TOP1: variants seen among roughly 807,000 people sequenced by gnomAD.
TOP1 encodes DNA topoisomerase 1.
TOP1 carries 10 observed loss-of-function variants against 111.1 expected under a neutral mutation model. That is an observed-to-expected ratio of 0.09 (90% CI 0.06 to 0.15). The LOEUF is 0.15. TOP1 is among the 10% of genes least tolerant of loss of function. The pLI, the probability that TOP1 is intolerant of heterozygous loss-of-function variation, is 1.00. For synonymous variants in TOP1, 271 were observed against 302.9 expected (o/e 0.89, Z 1.10); for missense variants, 474 against 926.7 (o/e 0.51, Z 6.34).
rs766516532 is a variant in TOP1 at position 41,076,186 on chromosome 20, T to A, written c.171T>A (p.Ser57=). The A allele has an allele frequency of 1.9e-6, 3 of 1,609,656 alleles. No homozygotes were observed. Among genetic ancestry groups the A allele is most frequent in the Middle Eastern group, 1.6e-4 (1 of 6,064 alleles). ...SKHSNSEHKD[S]EKKHKEKEKT... ...CTTTTTACAGTGAACATAAAGATTC[T>A]GAAAAGAAACACAAAGAGAAGGAGA... The change falls in exon 4 of 21, where the codon TCT becomes TCA. Residue 57 remains serine, a synonymous_variant. Coordinates refer to ENST00000361337, the MANE Select transcript of TOP1 (RefSeq NM_003286.4).
chr20:41,038,663 G>T (rs992069405), intron 2 of TOP1, among the ~76,000 whole-genome samples: 1 of 152,064 alleles, frequency 6.6e-6, no homozygotes, highest in East Asian at 1.9e-4. Context: ...ACACCACTTT[G>T]TTTGTTTCTC....
Position 41,115,460 on chromosome 20 carries a change from A to G in TOP1, c.1707+21A>G, listed in dbSNP as rs373064201. The G allele has an allele frequency of 3.7e-4, 594 of 1,592,230 alleles. No homozygotes were observed. The highest frequency in any genetic ancestry group is 4.9e-4 in the Non-Finnish European group (570 of 1,160,398). ...TCAATGTGAGTAGATGAAGCACACA[A>G]TGTTGAAGGGAGTCCCAGCCAGAGC... On this transcript the variant is annotated intron_variant, in intron 16 of 20. Coordinates refer to ENST00000361337, the MANE Select transcript of TOP1 (RefSeq NM_003286.4). This position sits in a 1 kb window ranked among gnomAD's most constrained non-coding sequence, Gnocchi z 6.3.
intron 9 of TOP1, among the ~76,000 whole-genome samples, chr20:41,093,556 C>T (rs1427011386): frequency 6.6e-6 from 1 of 152,142 alleles, no homozygotes; most frequent in Non-Finnish European, 1.5e-5. Flanking sequence ...TGTTATTTCA[C>T]CACCCCATTT....
chr20:41,080,003 C>G lies in TOP1; in HGVS notation c.336-82C>G. The G allele has an allele frequency of 1.2e-6, 1 of 853,886 alleles. No individual in the cohort carries two copies. The highest frequency in any genetic ancestry group is 1.9e-6 in the Non-Finnish European group (1 of 521,420). 52.9% of individuals were successfully genotyped at this position (853,886 alleles called of 1,614,324 possible). A position where few individuals can be genotyped will look rare whatever the true frequency, so the allele number is the denominator to read the frequency against. On this transcript the variant is annotated intron_variant, in intron 5 of 20. Coordinates refer to ENST00000361337, the MANE Select transcript of TOP1 (RefSeq NM_003286.4). The surrounding 1 kb of genome is among the most constrained non-coding windows in gnomAD (Gnocchi z 5.0). Reference sequence around the variant, plus strand: ...ATCCTTATTTCTGTTAGCTTCTTTTCAACGAAATGACATATTCCTTCTTTG... The same window carrying G: ...ATCCTTATTTCTGTTAGCTTCTTTTGAACGAAATGACATATTCCTTCTTTG...
At chr20:41,073,502 G>A (rs1175277339) in intron 3 of TOP1, 1 of 984,046 alleles carries the variant, frequency 1.0e-6, no homozygotes, top group East Asian at 1.1e-4. Context: ...ATAAAGCTAG[G>A]ACCTTATAGC....
At chr20:41,099,554 C>CT (rs1370090050) in intron 11 of TOP1, among the ~76,000 whole-genome samples, 2 of 152,074 alleles carry the variant, frequency 1.3e-5, no homozygotes, top group Non-Finnish European at 2.9e-5. Context: ...CATCCCTCAC[C>CT]TTTTTGGAGC....
chr20:41,086,813 G>T (rs548567160), intron 8 of TOP1, among the ~76,000 whole-genome samples: 80 of 152,276 alleles, frequency 5.3e-4, no homozygotes, highest in Middle Eastern at 6.8e-3. Flanking sequence ...GCATTTCTCA[G>T]GTGTGATGGT....
In TOP1 at chr20:41,029,002, C is replaced by T. The variant is rs2033077798; in HGVS notation, c.-66C>T. The T allele has an allele frequency of 4.2e-6, 6 of 1,443,232 alleles. No individual in the cohort carries two copies. The South Asian group carries it at 4.9e-5, about 12-fold the overall frequency. 89.4% of individuals were successfully genotyped at this position (1,443,232 alleles called of 1,614,324 possible). A position where few individuals can be genotyped will look rare whatever the true frequency, so the allele number is the denominator to read the frequency against. ...GGAGTCCCCGTCCGCCCGCACAGGC[C>T]GGTTCGCCGTCTGCGTCTCCCCCAC... On this transcript the variant is annotated 5_prime_UTR_variant, in exon 1 of 21. Transcript: ENST00000361337. This position sits in a 1 kb window ranked among gnomAD's most constrained non-coding sequence, Gnocchi z 6.1.
At chr20:41,086,200 T>G (rs1406197909) in intron 8 of TOP1, among the ~76,000 whole-genome samples, 1 of 151,588 alleles carries the variant, frequency 6.6e-6, no homozygotes, top group African/African-American at 2.4e-5. Flanking sequence ...GAGGCGGAGG[T>G]TGCAGTGAGC....
Position 41,030,911 on chromosome 20 carries a change from G to C in TOP1, c.58+1456G>C, listed in dbSNP as rs541982791. 2.6e-5 allele frequency among the ~76,000 whole-genome samples: 4 copies of C among 152,232 alleles called. No homozygotes were observed. The highest frequency in any genetic ancestry group is 5.9e-5 in the Non-Finnish European group (4 of 68,044). The stretch of plus-strand genomic sequence containing the variant: ...GCACCAGATATGTGCCAACCACTGT[G>C]CTTGGTGCTAGAGCTGATCCTGTAA... On this transcript the variant is annotated intron_variant, in intron 2 of 20. Coordinates refer to ENST00000361337, the MANE Select transcript of TOP1 (RefSeq NM_003286.4). The surrounding 1 kb of genome is among the most constrained non-coding windows in gnomAD (Gnocchi z 4.1).
chr20:41,054,117 C>A (rs2033439116), intron 2 of TOP1, among the ~76,000 whole-genome samples: 1 of 152,120 alleles, frequency 6.6e-6, no homozygotes, highest in Non-Finnish European at 1.5e-5. Context: ...GTAAAGGATA[C>A]TGATATGGTT....
chr20:41,062,906 C>A (rs1203706078), intron 3 of TOP1, among the ~76,000 whole-genome samples: 3 of 152,152 alleles, frequency 2.0e-5, no homozygotes, highest in Non-Finnish European at 1.5e-5. Flanking sequence ...TTAGAATTTT[C>A]TCTTTTCTTT....
chr20:41,036,437 A>C (rs1457562322), intron 2 of TOP1, among the ~76,000 whole-genome samples: 1 of 152,220 alleles, frequency 6.6e-6, no homozygotes, highest in East Asian at 1.9e-4. Flanking sequence ...TTGTTTTCTT[A>C]TCCATAAGCA....
chr20:41,092,697 TTTTG>T lies in TOP1; in HGVS notation c.730+114_730+117del. The T allele has an allele frequency of 1.7e-6, 1 of 573,998 alleles. No homozygotes were observed. The highest frequency in any genetic ancestry group is 3.0e-6 in the Non-Finnish European group (1 of 328,372). 35.6% of individuals were successfully genotyped at this position (573,998 alleles called of 1,614,324 possible). Reference sequence around the variant, plus strand: ...GTAATAGATAATCCTTTTTATTTCATTTTGTTTTATTGCCATGCAATTTTGAGGA... The same window carrying T: ...GTAATAGATAATCCTTTTTATTTCATTTTTATTGCCATGCAATTTTGAGGA... On this transcript the variant is annotated intron_variant, in intron 9 of 20. Transcript: ENST00000361337. This position sits in a 1 kb window ranked among gnomAD's most constrained non-coding sequence, Gnocchi z 4.3.
rs1356828279 is a variant in TOP1 at position 41,079,461 on chromosome 20, A to G, written c.336-624A>G. Among the ~76,000 whole-genome samples, 5 of 152,230 alleles carry G rather than the reference A, an allele frequency of 3.3e-5. No homozygotes were observed. In the South Asian group the frequency reaches 8.3e-4, roughly 25 times the overall value. Reference sequence around the variant, plus strand: ...AAATAGTAGTGAGACACTCTTCTGTATATAAAGTAAACCTAAGTTAGGACG... The same window carrying G: ...AAATAGTAGTGAGACACTCTTCTGTGTATAAAGTAAACCTAAGTTAGGACG... On this transcript the variant is annotated intron_variant, in intron 5 of 20. Transcript: ENST00000361337. This position sits in a 1 kb window ranked among gnomAD's most constrained non-coding sequence, Gnocchi z 4.0.
intron 13 of TOP1, among the ~76,000 whole-genome samples, chr20:41,107,405 G>A (rs186625155): frequency 3.0e-4 from 45 of 151,904 alleles, no homozygotes; most frequent in African/African-American, 1.1e-3. Context: ...GTCTCTTTAG[G>A]TCTGATTTTT....
chr20:41,081,157 C>A lies in TOP1; in HGVS notation c.432-8C>A. The stretch of plus-strand genomic sequence containing the variant: ...ATGTTAACTGTGTATTCATGTTCCC[C>A]TTTCTAGTGCTGATTATAAACCTAA... On this transcript the variant is annotated splice_region_variant and splice_polypyrimidine_tract_variant and intron_variant, in intron 6 of 20. Coordinates refer to ENST00000361337, the MANE Select transcript of TOP1 (RefSeq NM_003286.4). 1 of 1,589,114 alleles carries A rather than the reference C, an allele frequency of 6.3e-7. No homozygotes were observed. Among genetic ancestry groups the A allele is most frequent in the South Asian group, 1.1e-5 (1 of 87,684 alleles).
chr20:41,086,005 G>C (rs537343341), intron 8 of TOP1, among the ~76,000 whole-genome samples: 1 of 152,336 alleles, frequency 6.6e-6, no homozygotes, highest in South Asian at 2.1e-4. Flanking sequence ...GCTCGTATCT[G>C]TAATCCCAGC....
chr20:41,121,768 A>C lies in TOP1; in HGVS notation c.2023A>C (p.Met675Leu). The C allele has an allele frequency of 6.2e-7, 1 of 1,614,222 alleles. No homozygotes were observed. The highest frequency in any genetic ancestry group is 8.5e-7 in the Non-Finnish European group (1 of 1,180,004). The change falls in exon 19 of 21, where the codon ATG (methionine) becomes CTG (leucine). Residue 675 changes from methionine (M) to leucine (L), a missense_variant. Met to Leu is a conservative substitution (Grantham distance 15). Transcript: ENST00000361337. This position sits in a 1 kb window ranked among gnomAD's most constrained non-coding sequence, Gnocchi z 4.2. ...LKSAKADAKV[M>L]KDAKTKKVVE... is the part of the protein sequence containing the mutation. ...AAGTGCTAAGGCTGATGCCAAGGTC[A>C]TGAAGGATGCAAAGACGAAGAAGTA...
Sources: allele counts gnomAD v4.1 joint callset (sites outside exome capture counted in the v4.1 genomes callset), GRCh38; gene constraint gnomAD v4.1.1; non-coding constraint Gnocchi (gnomAD v3.1); transcripts MANE v1.5; gene names NCBI Gene and HGNC (gene_info 2026-07-23, HGNC 2026-07-21).